DDX17: variants seen among roughly 807,000 people sequenced by gnomAD.
DDX17 encodes DEAD-box helicase 17.
Under a neutral mutation model 80.8 loss-of-function variants are expected in DDX17, and 10 were observed. The ratio of observed to expected loss-of-function variants is 0.12; its 90% CI spans 0.08 to 0.21. DDX17 has a LOEUF of 0.21. Among genes scored for constraint, DDX17 ranks in the 10% least tolerant of loss-of-function variants. The pLI is 1.00. For missense variants in DDX17, 586 were observed against 957.4 expected (o/e 0.61, Z 5.12); for synonymous variants, 339 against 336.2 (o/e 1.01, Z -0.09).
intron 11 of DDX17, chr22:38,491,038 T>G (rs943322000): frequency 1.3e-5 from 2 of 152,628 alleles, no homozygotes; most frequent in Non-Finnish European, 2.9e-5. Context: ...GTAAACTGCT[T>G]TCAGGCCTCC....
At position 38,499,534 on chromosome 22, in the gene DDX17, G is replaced by GT. The variant is rs1301761948; in HGVS notation, c.439-36dup. On this transcript the variant is annotated intron_variant, in intron 2 of 12. Coordinates refer to ENST00000403230, the MANE Select transcript of DDX17 (RefSeq NM_006386.5). ...AAAAATGAAAGAAGTTAGTAAACTA[G>GT]TTATTCTAAACATTCAGAATTTATG... is the stretch of plus-strand genomic sequence containing the variant. 3.4e-6 allele frequency: 5 copies of GT among 1,485,306 alleles called. No homozygotes were observed. In the African/African-American group the frequency reaches 6.9e-5, roughly 21 times the overall value. The allele number at this position is 1,485,306 out of a possible 1,614,324, so 92.0% of individuals were successfully genotyped here.
chr22:38,486,765 G>T (rs1004607855), intron 12 of DDX17, among the ~76,000 whole-genome samples: 1 of 152,174 alleles, frequency 6.6e-6, no homozygotes, highest in Non-Finnish European at 1.5e-5. Flanking sequence ...AACTGTAGAT[G>T]CAACTGCTAT....
intron 12 of DDX17, among the ~76,000 whole-genome samples, chr22:38,486,685 G>A (rs935612734): frequency 1.3e-5 from 2 of 152,098 alleles, no homozygotes; most frequent in African/African-American, 4.8e-5. Flanking sequence ...CTTACTTGAG[G>A]ATGATCAAGA....
chr22:38,486,700 C>T (rs1257437196), intron 12 of DDX17, among the ~76,000 whole-genome samples: 3 of 152,114 alleles, frequency 2.0e-5, no homozygotes, highest in Admixed American at 2.0e-4. Flanking sequence ...TCAAGAAACA[C>T]GGTATTACAA....
chr22:38,491,747 C>A, intron 11 of DDX17: 1 of 274,796 alleles, frequency 3.6e-6, no homozygotes, highest in Non-Finnish European at 6.8e-6. Flanking sequence ...GAAGCTGAGC[C>A]ATTCAGCTGT....
Position 38,501,056 on chromosome 22 carries a change from C to T in DDX17, c.438+74G>A, listed in dbSNP as rs188600089. ...ATAAAATGTAAAACGGCAACAGTAGCGTATGAATAAACTCTAACCAATATA... is the reference window on the plus strand; with the variant it reads ...ATAAAATGTAAAACGGCAACAGTAGTGTATGAATAAACTCTAACCAATATA... On this transcript the variant is annotated intron_variant, in intron 2 of 12. Transcript: ENST00000403230. The T allele has an allele frequency of 3.4e-3, 5,057 of 1,508,414 alleles. 17 individuals are homozygous for T. Among genetic ancestry groups the T allele is most frequent in the South Asian group, 5.1e-3 (392 of 76,702 alleles). 93.4% of individuals were successfully genotyped at this position (1,508,414 alleles called of 1,614,324 possible). A position where few individuals can be genotyped will look rare whatever the true frequency, so the allele number is the denominator to read the frequency against.
intron 1 of DDX17, 120 bp downstream of exon 1, chr22:38,505,831 C>A: frequency 7.9e-7 from 1 of 1,270,952 alleles, no homozygotes; most frequent in African/African-American, 1.5e-5. Flanking sequence ...CGCCTCGAGT[C>A]GCCTCCCCTC....
At position 38,484,490 on chromosome 22, in the gene DDX17, G is replaced by A. The variant is rs1186343621; in HGVS notation, c.*1445C>T. 6.6e-6 allele frequency: 1 copy of A among 152,250 alleles called. No homozygotes were observed. Among genetic ancestry groups the A allele is most frequent in the African/African-American group, 2.4e-5 (1 of 41,472 alleles). The allele number at this position is 152,250 out of a possible 1,614,324, so 9.4% of individuals were successfully genotyped here. ...AGCATTCAGGCCTTAGCCAAAGAAT[G>A]CAGTGGAGCCTTCCCCCTTCAACTG... On this transcript the variant is annotated 3_prime_UTR_variant, in exon 13 of 13. Transcript: ENST00000403230.
intron 1 of DDX17, among the ~76,000 whole-genome samples, chr22:38,502,411 C>A (rs1444368406): frequency 1.9e-3 from 235 of 125,842 alleles, no homozygotes; most frequent in South Asian, 2.2e-3. Flanking sequence ...GAGGGTCCGT[C>A]AAAAAAAAAA....
intron 11 of DDX17, chr22:38,490,876 GTC>G (rs1469428906): frequency 6.0e-6 from 1 of 165,306 alleles, no homozygotes; most frequent in African/African-American, 2.4e-5. Flanking sequence ...GGGATGAAGA[GTC>G]TAAGTTATTC....
chr22:38,496,858 A>G (rs1223580997), intron 5 of DDX17, among the ~76,000 whole-genome samples: 1 of 152,244 alleles, frequency 6.6e-6, no homozygotes, highest in Non-Finnish European at 1.5e-5. Flanking sequence ...CTTGCTTTAT[A>G]TACTGATCCA....
At chr22:38,487,249 CT>C (rs2089669414) in intron 12 of DDX17, among the ~76,000 whole-genome samples, 1 of 152,152 alleles carries the variant, frequency 6.6e-6, no homozygotes, top group Non-Finnish European at 1.5e-5. Flanking sequence ...AATCTCAGCA[CT>C]TTGGGAGGCC....
chr22:38,498,729 T>C (rs763772458), intron 3 of DDX17, among the ~76,000 whole-genome samples, 156 bp from the exon 4 acceptor site: 2 of 152,198 alleles, frequency 1.3e-5, no homozygotes, highest in Non-Finnish European at 2.9e-5. Flanking sequence ...ACCAACTCAC[T>C]GTTAGCTTCT....
Position 38,499,410 on chromosome 22 carries a change from A to G in DDX17, c.528T>C (p.Ala176=). The change falls in exon 3 of 13, where the codon GCT becomes GCC. Residue 176 remains alanine (A), a synonymous_variant. Transcript: ENST00000403230. ...TTGAAGAACACTTACGTGGGAAGTT[A>G]GCATGATGGAAGGCAAACACGGGTT... is the stretch of plus-strand genomic sequence containing the variant. The G allele has an allele frequency of 6.2e-7, 1 of 1,613,536 alleles. No individual in the cohort carries two copies. Among genetic ancestry groups the G allele is most frequent in the South Asian group, 1.1e-5 (1 of 91,064 alleles).
intron 1 of DDX17, among the ~76,000 whole-genome samples, chr22:38,502,051 G>A (rs2089836057): frequency 1.3e-5 from 2 of 152,222 alleles, no homozygotes; most frequent in African/African-American, 4.8e-5. Context: ...CTGCTTATCT[G>A]CAAAGCAAAA....
intron 1 of DDX17, among the ~76,000 whole-genome samples, chr22:38,503,321 T>C (rs1309081026): frequency 6.6e-6 from 1 of 152,224 alleles, no homozygotes; most frequent in East Asian, 1.9e-4. Context: ...TTCATTGTTA[T>C]TGCCACATTG....
In DDX17 at chr22:38,494,098, T is replaced by C; in HGVS notation, c.1248A>G (p.Glu416=). 6.2e-7 allele frequency: 1 copy of C among 1,614,056 alleles called. No individual in the cohort carries two copies. Among genetic ancestry groups the C allele is most frequent in the Non-Finnish European group, 8.5e-7 (1 of 1,179,956 alleles). The change falls in exon 9 of 13, where the codon GAA becomes GAG. Residue 416 remains glutamate (E), a synonymous_variant. Coordinates refer to ENST00000403230, the MANE Select transcript of DDX17 (RefSeq NM_006386.5). Reference sequence around the variant, plus strand: ...CAAATATTATTGTTTTGTTTTCCTTTTCAGCCATTATTTCTTCCATTAGTT... The same window carrying C: ...CAAATATTATTGTTTTGTTTTCCTTCTCAGCCATTATTTCTTCCATTAGTT...
intron 9 of DDX17, 110 bp from the exon 10 acceptor site, chr22:38,493,881 GAATA>G (rs1242828340): frequency 4.0e-6 from 5 of 1,263,892 alleles, no homozygotes; most frequent in Non-Finnish European, 5.7e-6. Context: ...CAGGCTTCAT[GAATA>G]GATGACTGTG....
intron 1 of DDX17, 109 bp downstream of exon 1, chr22:38,505,842 G>C: frequency 6.6e-6 from 9 of 1,361,414 alleles, no homozygotes; most frequent in Admixed American, 2.5e-5. Context: ...GCCTCCCCTC[G>C]CCTCCCGGGT....
Sources: gnomAD v4.1 joint callset for allele counts (sites outside exome capture counted in the v4.1 genomes callset) on GRCh38, gnomAD v4.1.1 for gene constraint, MANE v1.5 for transcripts, NCBI Gene and HGNC (gene_info 2026-07-23, HGNC 2026-07-21) for gene names.